Variants in IL1RAP observed in about 807,000 individuals in gnomAD.
IL1RAP encodes the protein interleukin 1 receptor accessory protein, also known as interleukin-1 receptor accessory protein.
Under a neutral mutation model 60.7 loss-of-function variants are expected in IL1RAP, and 35 were observed. The ratio of observed to expected loss-of-function variants is 0.58; its 90% CI spans 0.44 to 0.76. The LOEUF (loss-of-function observed/expected upper bound fraction) is 0.76. IL1RAP is among the 30% of genes least tolerant of loss of function. The pLI is 0.00. For missense variants in IL1RAP, 572 were observed against 693.9 expected (o/e 0.82, Z 1.97); for synonymous variants, 268 against 250.9 (o/e 1.07, Z -0.64).
chr3:190,573,298 A>G (rs1000510605), intron 3 of IL1RAP, among the ~76,000 whole-genome samples: 2 of 151,382 alleles, frequency 1.3e-5, no homozygotes, highest in Non-Finnish European at 2.9e-5. Context: ...TTGCAAGTTT[A>G]TACGTTCTAA....
chr3:190,606,085 T>G (rs1210115948), intron 4 of IL1RAP, among the ~76,000 whole-genome samples: 1 of 152,142 alleles, frequency 6.6e-6, no homozygotes. Flanking sequence ...TCTTGGGGGT[T>G]GCAGGTAAGG....
intron 1 of IL1RAP, among the ~76,000 whole-genome samples, chr3:190,526,246 T>G (rs73198205): frequency 0.084 from 12,849 of 152,278 alleles, 773 homozygotes; most frequent in African/African-American, 0.17. Flanking sequence ...GGTGAAGTTA[T>G]AATCACCATT....
intron 9 of IL1RAP, chr3:190,629,710 T>C (rs1732618237): frequency 2.4e-6 from 3 of 1,255,300 alleles, no homozygotes; most frequent in African/African-American, 3.1e-5. Context: ...AGTACCGTAA[T>C]GCCCAAATGT....
chr3:190,621,686 C>T (rs946207155), intron 6 of IL1RAP, among the ~76,000 whole-genome samples: 2 of 152,174 alleles, frequency 1.3e-5, no homozygotes, highest in Non-Finnish European at 2.9e-5. Flanking sequence ...ATGCCAGTAG[C>T]ATATCCTTAA....
Position 190,552,509 on chromosome 3 carries a change from G to A in IL1RAP, c.-88-3621G>A, listed in dbSNP as rs1235368435. ...CATTTTTCTCAAAGATTAAAGTCAC[G>A]TGAACTGAAAGGTACCACAGCTTTT... On this transcript the variant is annotated intron_variant, in intron 1 of 11. Coordinates refer to ENST00000447382, the MANE Select transcript of IL1RAP (RefSeq NM_002182.4). 3.3e-5 allele frequency among the ~76,000 whole-genome samples: 5 copies of A among 152,164 alleles called. No individual in the cohort carries two copies. The South Asian group carries it at 6.2e-4, about 19-fold the overall frequency.
At chr3:190,546,861 C>T (rs1451993938) in intron 1 of IL1RAP, among the ~76,000 whole-genome samples, 1 of 152,160 alleles carries the variant, frequency 6.6e-6, no homozygotes, top group Non-Finnish European at 1.5e-5. Flanking sequence ...GTAAGGGCTC[C>T]GCATAGTAGG....
chr3:190,562,087 T>C (rs189374353), intron 2 of IL1RAP, among the ~76,000 whole-genome samples: 1 of 152,304 alleles, frequency 6.6e-6, no homozygotes, highest in Non-Finnish European at 1.5e-5. Context: ...GTAGTTCTTT[T>C]TCTAAAACCT....
At position 190,624,897 on chromosome 3, in the gene IL1RAP, A is replaced by G. The variant is rs1577761118; in HGVS notation, c.775+1482A>G. ...TCACTTTCCTTAAGCCATAAGTACA[A>G]CTTGTCGGACATGCACGCAGTTGCC... is the stretch of plus-strand genomic sequence containing the variant. On this transcript the variant is annotated intron_variant, in intron 7 of 11. Transcript: ENST00000447382. The G allele has an allele frequency of 1.8e-5, 3 of 165,196 alleles. No individual in the cohort carries two copies. In the South Asian group the frequency reaches 5.5e-4, roughly 31 times the overall value. The allele number at this position is 165,196 out of a possible 1,614,324, so 10.2% of individuals were successfully genotyped here. A position where few individuals can be genotyped will look rare whatever the true frequency, so the allele number is the denominator to read the frequency against.
intron 5 of IL1RAP, among the ~76,000 whole-genome samples, chr3:190,618,310 CTT>C (rs1368074243): frequency 1.3e-5 from 2 of 152,184 alleles, no homozygotes; most frequent in African/African-American, 4.8e-5. Flanking sequence ...GCATTACAAA[CTT>C]TACATGTTTG....
In IL1RAP at chr3:190,596,083, A is replaced by G. The variant is rs555574166; in HGVS notation, c.65-8045A>G. ...AGGCCATATGGCAACTAAGTGGCAC[A>G]TGGAAAATAATTAACTATGGAAAGT... is the stretch of plus-strand genomic sequence containing the variant. On this transcript the variant is annotated intron_variant, in intron 3 of 11. Coordinates refer to ENST00000447382, the MANE Select transcript of IL1RAP (RefSeq NM_002182.4). 2.1e-3 allele frequency among the ~76,000 whole-genome samples: 317 copies of G among 152,366 alleles called. 1 individual carries two copies. Among genetic ancestry groups the G allele is most frequent in the Non-Finnish European group, 3.4e-3 (230 of 68,030 alleles).
At chr3:190,572,865 T>TTTTTG (rs1553840859) in intron 3 of IL1RAP, among the ~76,000 whole-genome samples, 1,381 of 32,084 alleles carry the variant, frequency 0.043, 371 homozygotes, top group African/African-American at 0.14. Context: ...CTTTGTTTTT[T>TTTTTG]TTTTTTTTTT....
intron 1 of IL1RAP, among the ~76,000 whole-genome samples, chr3:190,531,034 A>T (rs541989884): frequency 6.6e-6 from 1 of 152,162 alleles, no homozygotes; most frequent in Non-Finnish European, 1.5e-5. Flanking sequence ...ATTTCGCTCT[A>T]TGCACCACTG....
At chr3:190,593,712 C>T (rs1378397690) in intron 3 of IL1RAP, among the ~76,000 whole-genome samples, 2 of 152,084 alleles carry the variant, frequency 1.3e-5, no homozygotes, top group Non-Finnish European at 2.9e-5. Context: ...AAGACCCACC[C>T]CCATGATTCA....
chr3:190,534,769 A>T (rs1723287668), intron 1 of IL1RAP, among the ~76,000 whole-genome samples: 1 of 152,064 alleles, frequency 6.6e-6, no homozygotes, highest in African/African-American at 2.4e-5. Flanking sequence ...CATTTCCACT[A>T]GTGAGTTATT....
intron 3 of IL1RAP, among the ~76,000 whole-genome samples, chr3:190,587,107 A>G (rs1433438545): frequency 6.6e-6 from 1 of 152,232 alleles, no homozygotes; most frequent in Non-Finnish European, 1.5e-5. Context: ...CCATCATATT[A>G]TAGAGATGGA....
At position 190,650,788 on chromosome 3, in the gene IL1RAP, A is replaced by T; in HGVS notation, c.*2083A>T. The T allele has an allele frequency of 1.0e-6, 1 of 984,674 alleles. No homozygotes were observed. Among genetic ancestry groups the T allele is most frequent in the South Asian group, 4.7e-5 (1 of 21,264 alleles). The allele number at this position is 984,674 out of a possible 1,614,324, so 61.0% of individuals were successfully genotyped here. A position where few individuals can be genotyped will look rare whatever the true frequency, so the allele number is the denominator to read the frequency against. On this transcript the variant is annotated 3_prime_UTR_variant, in exon 12 of 12. Coordinates refer to ENST00000447382, the MANE Select transcript of IL1RAP (RefSeq NM_002182.4). ...ATTAACCCTTCACTTACTAGACCAG[A>T]AAAGAACTTATTCCAGATAAGCTTT...
intron 3 of IL1RAP, among the ~76,000 whole-genome samples, chr3:190,595,194 A>T (rs1729278416): frequency 6.6e-6 from 1 of 152,200 alleles, no homozygotes; most frequent in Non-Finnish European, 1.5e-5. Context: ...TTGCCAGTGC[A>T]TCCCAAGCAC....
rs150140178 is a variant in IL1RAP at position 190,624,122 on chromosome 3, A to T, written c.775+707A>T. Reference sequence around the variant, plus strand: ...ACAATAGCTCTCCAAAAAGAAAAGGATTTATTCAGGAATGAATTGCAGATA... The same window carrying T: ...ACAATAGCTCTCCAAAAAGAAAAGGTTTTATTCAGGAATGAATTGCAGATA... On this transcript the variant is annotated intron_variant, in intron 7 of 11. Transcript: ENST00000447382. Among the ~76,000 whole-genome samples the T allele has an allele frequency of 3.8e-4, 58 of 152,342 alleles. No homozygotes were observed. In the East Asian group the frequency reaches 0.011, roughly 28 times the overall value.
intron 5 of IL1RAP, among the ~76,000 whole-genome samples, chr3:190,612,926 A>G (rs1335856017): frequency 6.6e-6 from 1 of 152,058 alleles, no homozygotes; most frequent in East Asian, 1.9e-4. Context: ...TACTAGCTGA[A>G]GATTAACTGT....
Sources: allele counts gnomAD v4.1 joint callset (sites outside exome capture counted in the v4.1 genomes callset), GRCh38; gene constraint gnomAD v4.1.1; transcripts MANE v1.5; gene names NCBI Gene and HGNC (gene_info 2026-07-23, HGNC 2026-07-21).